The following NPIPB8 variants were observed in gnomAD, a reference collection of about 807,000 sequenced individuals.
NPIPB8 encodes nuclear pore complex-interacting protein family member B8.
NPIPB8 carries 3 observed loss-of-function variants against 5.3 expected under a neutral mutation model. The observed-to-expected ratio is 0.57, with a 90% CI of 0.26 to 1.47. The LOEUF (loss-of-function observed/expected upper bound fraction) is 1.47, where lower values mean the gene tolerates loss of function less well. Ranked by LOEUF, NPIPB8 falls within the 40% of genes most tolerant of loss-of-function variation. The pLI, the probability that NPIPB8 is intolerant of heterozygous loss-of-function variation, is 0.13. For synonymous variants in NPIPB8, 18 were observed against 23.0 expected (o/e 0.78, Z 0.62); for missense variants, 50 against 50.2 (o/e 1.00, Z 0.01).
intron 5 of NPIPB8, among the ~76,000 whole-genome samples, chr16:28,655,935 TCAACAGGCAGTAAG>T: frequency 2.0e-5 from 1 of 49,160 alleles, no homozygotes; most frequent in Admixed American, 2.4e-4. Context: ...ATCTCAGAAG[TCAACAGGCAGTAAG>T]CAAGAGGAGG....
chr16:28,640,883 T>C (rs2047884377), intron 2 of NPIPB8, among the ~76,000 whole-genome samples: 2 of 152,048 alleles, frequency 1.3e-5, no homozygotes, highest in South Asian at 4.1e-4. Context: ...GATGGGAACA[T>C]TGAGAGAGTT....
chr16:28,651,072 C>T (rs2048033664), intron 3 of NPIPB8, among the ~76,000 whole-genome samples: 1 of 66,824 alleles, frequency 1.5e-5, no homozygotes, highest in Non-Finnish European at 2.6e-5. Flanking sequence ...GCAACCTCTG[C>T]CTCCTGGGTT....
At chr16:28,641,262 C>A (rs1470428943) in intron 2 of NPIPB8, among the ~76,000 whole-genome samples, 1 of 151,038 alleles carries the variant, frequency 6.6e-6, no homozygotes, top group East Asian at 1.9e-4. Flanking sequence ...AGGCAAGGGA[C>A]AGGGCATCAT....
chr16:28,643,581 G>A (rs3890892), intron 2 of NPIPB8, among the ~76,000 whole-genome samples: 2 of 103,356 alleles, frequency 1.9e-5, no homozygotes, highest in Admixed American at 2.3e-4. Flanking sequence ...GATCAGAAAC[G>A]TGCTGTGTGA....
At chr16:28,642,420 C>T (rs1311474984) in intron 2 of NPIPB8, among the ~76,000 whole-genome samples, 5 of 151,270 alleles carry the variant, frequency 3.3e-5, no homozygotes, top group Admixed American at 3.3e-4. Flanking sequence ...AGGGCCGGAA[C>T]ATGGCTGCAG....
At chr16:28,640,910 A>T (rs2047884908) in intron 2 of NPIPB8, among the ~76,000 whole-genome samples, 1 of 152,082 alleles carries the variant, frequency 6.6e-6, no homozygotes, top group Non-Finnish European at 1.5e-5. Context: ...GAAGGATATC[A>T]AGAGTAAAAA....
In NPIPB8 at chr16:28,638,252, C is replaced by A. The variant is rs1347118314; in HGVS notation, c.-38-71C>A. 6.5e-6 allele frequency: 10 copies of A among 1,530,640 alleles called. No individual in the cohort carries two copies. The East Asian group carries it at 1.5e-4, about 22-fold the overall frequency. The allele number at this position is 1,530,640 out of a possible 1,614,324, so 94.8% of individuals were successfully genotyped here. A position where few individuals can be genotyped will look rare whatever the true frequency, so the allele number is the denominator to read the frequency against. ...TTTTCTGAAGCCCCTATGCTCTTGA[C>A]CACTATAGACTCAAACATCACCTTG... On this transcript the variant is annotated intron_variant, in intron 1 of 7. Transcript: ENST00000683297.
At chr16:28,641,770 C>G (rs1051531136) in intron 2 of NPIPB8, among the ~76,000 whole-genome samples, 6 of 131,420 alleles carry the variant, frequency 4.6e-5, no homozygotes, top group African/African-American at 1.7e-4. Flanking sequence ...TGGAAGGAAA[C>G]CAGCCCAGGG....
chr16:28,641,030 G>A (rs2047886543), intron 2 of NPIPB8, among the ~76,000 whole-genome samples: 1 of 152,056 alleles, frequency 6.6e-6, no homozygotes, highest in Non-Finnish European at 1.5e-5. Context: ...GCTGGAGGTT[G>A]TAAACTATTG....
At chr16:28,641,925 A>G (rs902289194) in intron 2 of NPIPB8, among the ~76,000 whole-genome samples, 1 of 136,078 alleles carries the variant, frequency 7.3e-6, no homozygotes, top group African/African-American at 2.8e-5. Flanking sequence ...ATTGTTCGAG[A>G]CCCCAAACTC....
At position 28,638,348 on chromosome 16, in the gene NPIPB8, T is replaced by G. The variant is rs746001574; in HGVS notation, c.-13T>G. ...GTTGGCACTCATCATGAGCCCCTGT[T>G]CTCATTCTGCAAATGGTGAAGCTCT... is the stretch of plus-strand genomic sequence containing the variant. On this transcript the variant is annotated 5_prime_UTR_variant, in exon 2 of 8. Coordinates refer to ENST00000683297, the MANE Select transcript of NPIPB8 (RefSeq NM_001310136.2). The G allele has an allele frequency of 6.4e-7, 1 of 1,566,246 alleles. No individual in the cohort carries two copies. The highest frequency in any genetic ancestry group is 1.1e-5 in the South Asian group (1 of 87,386).
chr16:28,642,010 T>G (rs1416302927), intron 2 of NPIPB8, among the ~76,000 whole-genome samples: 1 of 150,700 alleles, frequency 6.6e-6, no homozygotes, highest in Non-Finnish European at 1.5e-5. Flanking sequence ...ATGGACATTA[T>G]AGTACTCTCT....
At chr16:28,639,880 T>G (rs929268082) in intron 2 of NPIPB8, among the ~76,000 whole-genome samples, 2 of 150,286 alleles carry the variant, frequency 1.3e-5, no homozygotes, top group African/African-American at 5.0e-5. Context: ...TTACTTTTAT[T>G]TTTGGTAACA....
intron 2 of NPIPB8, among the ~76,000 whole-genome samples, chr16:28,643,134 G>C (rs1198090749): frequency 6.6e-6 from 1 of 150,786 alleles, no homozygotes; most frequent in Non-Finnish European, 1.5e-5. Context: ...TCTGGGTATT[G>C]TGGGCAAATA....
intron 3 of NPIPB8, among the ~76,000 whole-genome samples, chr16:28,650,969 G>A (rs1845979103): frequency 9.2e-6 from 1 of 108,810 alleles, no homozygotes; most frequent in South Asian, 2.9e-4. Context: ...TCAGTTGTGT[G>A]AAGTATATTC....
At chr16:28,640,960 G>A (rs1020263296) in intron 2 of NPIPB8, among the ~76,000 whole-genome samples, 5 of 152,078 alleles carry the variant, frequency 3.3e-5, no homozygotes, top group African/African-American at 4.8e-5. Context: ...TCCAGGCACT[G>A]TCTTTCCTGC....
At chr16:28,651,604 T>TTGTG (rs533825986) in intron 3 of NPIPB8, among the ~76,000 whole-genome samples, 3,914 of 38,642 alleles carry the variant, frequency 0.1, 191 homozygotes, top group Non-Finnish European at 0.13. Context: ...CATGTCATTC[T>TTGTG]TGTGTGTGTG....
chr16:28,639,453 A>ATT (rs1480921491), intron 2 of NPIPB8, among the ~76,000 whole-genome samples: 1 of 81,580 alleles, frequency 1.2e-5, no homozygotes, highest in South Asian at 4.1e-4. Flanking sequence ...ACATATATAT[A>ATT]TATTTTTTTT....
intron 2 of NPIPB8, among the ~76,000 whole-genome samples, chr16:28,639,458 T>TC (rs1336206139): frequency 4.0e-5 from 5 of 125,320 alleles, no homozygotes; most frequent in Admixed American, 8.2e-5. Context: ...TATATATATT[T>TC]TTTTTTTTTT....
Sources: gnomAD v4.1 joint callset for allele counts (sites outside exome capture counted in the v4.1 genomes callset) on GRCh38, gnomAD v4.1.1 for gene constraint, MANE v1.5 for transcripts, NCBI Gene and HGNC (gene_info 2026-07-23, HGNC 2026-07-21) for gene names.